Variants in MED25 observed in about 807,000 individuals in gnomAD.
MED25 encodes mediator of RNA polymerase II transcription subunit 25.
Under a neutral mutation model 89.4 loss-of-function variants are expected in MED25, and 62 were observed. That is an observed-to-expected ratio of 0.69 (90% CI 0.57 to 0.86). The LOEUF is 0.86. MED25 is among the 40% of genes least tolerant of loss of function. The pLI, the probability that MED25 is intolerant of heterozygous loss-of-function variation, is 0.00. For missense variants in MED25, 905 were observed against 1,005.2 expected (o/e 0.90, Z 1.35); for synonymous variants, 449 against 427.9 (o/e 1.05, Z -0.61).
Position 49,836,503 on chromosome 19 carries a change from A to AT in MED25, c.2146+98dup. The AT allele has an allele frequency of 7.0e-7, 1 of 1,420,786 alleles. No individual in the cohort carries two copies. The highest frequency in any genetic ancestry group is 9.7e-7 in the Non-Finnish European group (1 of 1,029,098). 88.0% of individuals were successfully genotyped at this position (1,420,786 alleles called of 1,614,324 possible). On this transcript the variant is annotated intron_variant, in intron 17 of 17. Transcript: ENST00000312865. This position sits in a 1 kb window ranked among gnomAD's most constrained non-coding sequence, Gnocchi z 5.1. The stretch of plus-strand genomic sequence containing the variant: ...CCGAGTGCTCCTGGGAAGTAAAGAC[A>AT]TAGGATCCAAGAATGAGGGTTCCCC...
At chr19:49,838,633 C>A (rs781415538), downstream of MED25, 1 of 457,252 alleles carries the variant, frequency 2.2e-6, no homozygotes, top group African/African-American at 2.0e-5. Flanking sequence ...AAAATGGGAG[C>A]GAGCCTATTT....
chr19:49,821,565 G>A (rs765812237), intron 3 of MED25, among the ~76,000 whole-genome samples: 1 of 151,948 alleles, frequency 6.6e-6, no homozygotes, highest in Non-Finnish European at 1.5e-5. Flanking sequence ...TCAGGAGTTC[G>A]AGACCAGCCT....
chr19:49,829,972 G>T lies in MED25; in HGVS notation c.688+24G>T. 6.2e-7 allele frequency: 1 copy of T among 1,603,818 alleles called. No homozygotes were observed. On this transcript the variant is annotated intron_variant, in intron 6 of 17. Coordinates refer to ENST00000312865, the MANE Select transcript of MED25 (RefSeq NM_030973.4). This position sits in a 1 kb window ranked among gnomAD's most constrained non-coding sequence, Gnocchi z 4.6. Reference sequence around the variant, plus strand: ...TGGTGAGGCCTGGGCACCGTGCGCGGGGATGGGGGCTCGACGTGTTTCCCC... The same window carrying T: ...TGGTGAGGCCTGGGCACCGTGCGCGTGGATGGGGGCTCGACGTGTTTCCCC...
downstream of MED25, among the ~76,000 whole-genome samples, chr19:49,838,231 T>C (rs1378636458): frequency 6.6e-6 from 1 of 152,216 alleles, no homozygotes; most frequent in Non-Finnish European, 1.5e-5. Flanking sequence ...TGTTTGGCCT[T>C]CCCTGTGTTA....
Position 49,829,790 on chromosome 19 carries a change from G to C in MED25, c.530G>C (p.Gly177Ala). The C allele has an allele frequency of 2.5e-6, 4 of 1,592,358 alleles. No homozygotes were observed. The highest frequency in any genetic ancestry group is 3.4e-6 in the Non-Finnish European group (4 of 1,169,692). ...TGCTCGGCCCCTCTCCTACAGCGGG[G>C]GATCCACTTCTCCATTGTGTCTCCC... ...ENLVQQIGER[G>A]IHFSIVSPRK... Residue 177 changes from glycine (G) to alanine (A), a missense_variant, in exon 6 of 18, where the codon GGG becomes GCG. Physicochemically the swap from Gly to Ala is moderately conservative, Grantham distance 60. Transcript: ENST00000312865. This position sits in a 1 kb window ranked among gnomAD's most constrained non-coding sequence, Gnocchi z 4.6.
At chr19:49,828,237 A>G (rs2074027908) in intron 3 of MED25, among the ~76,000 whole-genome samples, 1 of 151,354 alleles carries the variant, frequency 6.6e-6, no homozygotes, top group East Asian at 2.0e-4. Context: ...TCAAAAAAAA[A>G]AAAAAACACA....
intron 3 of MED25, among the ~76,000 whole-genome samples, chr19:49,828,161 G>A (rs529269950): frequency 5.9e-4 from 90 of 152,054 alleles, no homozygotes; most frequent in African/African-American, 2.1e-3. Context: ...CCCAGGAAGC[G>A]GAGCTTGCAG....
chr19:49,835,765 C>A lies in MED25; in HGVS notation c.1785C>A (p.Thr595=). ...CACCGCAGCCCCAGCCTCAGGGTAC[C>A]GTAGGGGCCTCTGGGGCCACGGGGC... ...LRPPQPQPQG[T]VGASGATGQP... is the part of the protein sequence containing the mutation. Residue 595 remains threonine, a synonymous_variant, in exon 16 of 18, where the codon ACC becomes ACA. Coordinates refer to ENST00000312865, the MANE Select transcript of MED25 (RefSeq NM_030973.4). The surrounding 1 kb of genome is among the most constrained non-coding windows in gnomAD (Gnocchi z 6.2). 1 of 1,609,834 alleles carries A rather than the reference C, an allele frequency of 6.2e-7. No homozygotes were observed. The highest frequency in any genetic ancestry group is 2.2e-5 in the East Asian group (1 of 44,746).
In MED25 at chr19:49,836,700, T is replaced by C. The variant is rs1380325084; in HGVS notation, c.2147-147T>C. 5.3e-6 allele frequency: 4 copies of C among 753,254 alleles called. No individual in the cohort carries two copies. The highest frequency in any genetic ancestry group is 7.2e-6 in the Non-Finnish European group (3 of 418,808). 46.7% of individuals were successfully genotyped at this position (753,254 alleles called of 1,614,324 possible). A position where few individuals can be genotyped will look rare whatever the true frequency, so the allele number is the denominator to read the frequency against. ...TTGGAGAAGGGCCCCCAAAGGCTCA[T>C]GGGAAACAGCATATTTGTAACTAGA... On this transcript the variant is annotated intron_variant, in intron 17 of 17. Transcript: ENST00000312865. This position sits in a 1 kb window ranked among gnomAD's most constrained non-coding sequence, Gnocchi z 5.1.
downstream of MED25, among the ~76,000 whole-genome samples, chr19:49,838,126 C>G (rs1276457948): frequency 1.3e-5 from 2 of 152,170 alleles, no homozygotes; most frequent in African/African-American, 2.4e-5. Flanking sequence ...GCATCCACAT[C>G]ATTTTGCATG....
At position 49,830,093 on chromosome 19, in the gene MED25, G is replaced by C. The variant is rs753741819; in HGVS notation, c.694G>C (p.Gly232Arg). The change falls in exon 7 of 18, where the codon GGT (glycine) becomes CGT (arginine). Residue 232 changes from glycine to arginine, a missense_variant. Around this residue, in one of 3 missense-constraint regions of MED25, gnomAD observed 501 missense variants for 526.9 expected, o/e 0.95. Transcript: ENST00000312865. This position sits in a 1 kb window ranked among gnomAD's most constrained non-coding sequence, Gnocchi z 4.6. ...GCCATCCCTCCTGCTCTCAGTTGGG[G>C]GTGGCTCAGCCCCAGGCCCCCTCCA... ...LVRGLVLPVGGGSAPGPLQSK... is the reference protein window; with the variant it reads ...LVRGLVLPVGRGSAPGPLQSK... The C allele has an allele frequency of 1.2e-6, 2 of 1,606,986 alleles. No individual in the cohort carries two copies. Among genetic ancestry groups the C allele is most frequent in the Non-Finnish European group, 1.7e-6 (2 of 1,177,546 alleles).
At chr19:49,820,775 G>C (rs538602916) in intron 3 of MED25, among the ~76,000 whole-genome samples, 1 of 152,084 alleles carries the variant, frequency 6.6e-6, no homozygotes, top group Non-Finnish European at 1.5e-5. Flanking sequence ...CACCACGCCT[G>C]GCGCTGGATC....
Position 49,831,270 on chromosome 19 carries a change from G to T in MED25, c.1102-63G>T, listed in dbSNP as rs1240396528. On this transcript the variant is annotated intron_variant, in intron 9 of 17. Transcript: ENST00000312865. The surrounding 1 kb of genome is among the most constrained non-coding windows in gnomAD (Gnocchi z 5.0). ...CCTCCTTCCTGGTTTGCCCTCACAG[G>T]ATGGCCCCCGGAGGCTCCCGGCCTT... 9.6e-6 allele frequency: 15 copies of T among 1,562,102 alleles called. No individual in the cohort carries two copies. The highest frequency in any genetic ancestry group is 1.2e-5 in the Non-Finnish European group (14 of 1,152,618).
chr19:49,835,279 A>G lies in MED25; in HGVS notation c.1674+102A>G, dbSNP rs2074087352. ...GGACCAAGATGCCCACCCTTCTCCC[A>G]ATATGTGGTGCCTCCAAGCTAAGTC... On this transcript the variant is annotated intron_variant, in intron 14 of 17. Transcript: ENST00000312865. The surrounding 1 kb of genome is among the most constrained non-coding windows in gnomAD (Gnocchi z 6.2). 1 of 1,287,582 alleles carries G rather than the reference A, an allele frequency of 7.8e-7. No individual in the cohort carries two copies. The highest frequency in any genetic ancestry group is 1.5e-5 in the African/African-American group (1 of 68,410). 79.8% of individuals were successfully genotyped at this position (1,287,582 alleles called of 1,614,324 possible).
chr19:49,832,793 A>G, intron 13 of MED25: 4 of 344,070 alleles, frequency 1.2e-5, no homozygotes, highest in East Asian at 7.7e-5. Flanking sequence ...CCAGAAGCCC[A>G]AGGTCAGGGT....
intron 3 of MED25, among the ~76,000 whole-genome samples, chr19:49,825,267 G>C (rs919506069): frequency 6.6e-6 from 1 of 151,884 alleles, no homozygotes; most frequent in African/African-American, 2.4e-5. Flanking sequence ...TGTTTTGTTT[G>C]AGATGGAGTC....
chr19:49,822,262 CAAA>C lies in MED25; in HGVS notation c.305+2986_305+2988del, dbSNP rs1220883878. On this transcript the variant is annotated intron_variant, in intron 3 of 17. Transcript: ENST00000312865. ...TGGGCAACAGAGCAAGACTCTGTCT[CAAA>C]AAAAAAAAAAAAAAAAAAACCATAC... Among the ~76,000 whole-genome samples, 461 of 48,896 alleles carry C rather than the reference CAAA, an allele frequency of 9.4e-3. 1 individual carries two copies. Among genetic ancestry groups the C allele is most frequent in the African/African-American group, 0.037 (446 of 12,160 alleles). 32.1% of individuals were successfully genotyped at this position (48,896 alleles called of 152,430 possible). A position where few individuals can be genotyped will look rare whatever the true frequency, so the allele number is the denominator to read the frequency against.
In MED25 at chr19:49,829,830, G is replaced by T; in HGVS notation, c.570G>T (p.Ala190=). 1.2e-6 allele frequency: 2 copies of T among 1,608,950 alleles called. No individual in the cohort carries two copies. Among genetic ancestry groups the T allele is most frequent in the South Asian group, 1.1e-5 (1 of 90,576 alleles). The change falls in exon 6 of 18, where the codon GCG becomes GCT. Residue 190 remains alanine (A), a synonymous_variant. Transcript: ENST00000312865. This position sits in a 1 kb window ranked among gnomAD's most constrained non-coding sequence, Gnocchi z 4.6. ...FSIVSPRKLP[A]LRLLFEKAAP... Reference sequence around the variant, plus strand: ...TTGTGTCTCCCCGGAAGCTGCCTGCGCTTCGGCTTCTGTTTGAGAAGGCAG... The same window carrying T: ...TTGTGTCTCCCCGGAAGCTGCCTGCTCTTCGGCTTCTGTTTGAGAAGGCAG...
chr19:49,832,830 G>T (rs1011885439), intron 13 of MED25: 27 of 303,830 alleles, frequency 8.9e-5, no homozygotes, highest in African/African-American at 5.0e-4. Flanking sequence ...TCTCTCTAGA[G>T]GCTGGAGGGA....
Sources: allele counts gnomAD v4.1 joint callset (sites outside exome capture counted in the v4.1 genomes callset), GRCh38; gene constraint gnomAD v4.1.1; regional missense constraint gnomAD v4.1.1; non-coding constraint Gnocchi (gnomAD v3.1); transcripts MANE v1.5; gene names NCBI Gene and HGNC (gene_info 2026-07-23, HGNC 2026-07-21).